ZNF536: variants seen among roughly 807,000 people sequenced by gnomAD.
ZNF536 encodes the protein zinc finger protein 536.
In ZNF536, 13 loss-of-function variants were observed where a neutral mutation model predicts 84.5. That is an observed-to-expected ratio of 0.15 (90% CI 0.10 to 0.24). The LOEUF (loss-of-function observed/expected upper bound fraction) is 0.24. Ranked by LOEUF, ZNF536 falls within the 10% of genes least tolerant of loss-of-function variation. ZNF536 has a pLI of 1.00. For missense variants in ZNF536, 1,536 were observed against 1,747.5 expected, an observed-to-expected ratio of 0.88 and a Z score of 2.16; for synonymous variants, 811 against 742.5, an observed-to-expected ratio of 1.09 and a Z score of -1.50.
At chr19:30,248,320 C>G (rs1599877429) in intron 1 of ZNF536, among the ~76,000 whole-genome samples, 1 of 148,724 alleles carries the variant, frequency 6.7e-6, no homozygotes, top group Non-Finnish European at 1.5e-5. Context: ...CTCCTGGGCT[C>G]CTGGGTCCAA....
chr19:30,341,457 T>C (rs1165201835), intron 2 of ZNF536, among the ~76,000 whole-genome samples: 3 of 152,220 alleles, frequency 2.0e-5, no homozygotes, highest in Non-Finnish European at 4.4e-5. Flanking sequence ...GCCTTAGAAC[T>C]TCCATCTGTG....
intron 2 of ZNF536, among the ~76,000 whole-genome samples, chr19:30,320,427 C>T (rs191598551): frequency 2.0e-5 from 3 of 152,294 alleles, no homozygotes; most frequent in East Asian, 3.9e-4. Flanking sequence ...CAGTCTTTCT[C>T]AGAGAAACCA....
intron 1 of ZNF536, among the ~76,000 whole-genome samples, chr19:30,581,573 G>A (rs1026521296): frequency 6.6e-6 from 1 of 152,190 alleles, no homozygotes; most frequent in African/African-American, 2.4e-5. Context: ...GAGAGAGGCC[G>A]AGATCAGCTG....
In ZNF536 at chr19:30,416,829, G is replaced by A. The variant is rs185251521; in HGVS notation, c.-2-26732G>A. ...AGTGTTGGATAATACTTGGCACTTG[G>A]CTTTGAGGATGATGCTTCCCTCTAC... On this transcript the variant is annotated intron_variant, in intron 1 of 4. Transcript: ENST00000355537. Among the ~76,000 whole-genome samples the A allele has an allele frequency of 3.1e-3, 479 of 152,206 alleles. 3 individuals are homozygous for A. Among genetic ancestry groups the A allele is most frequent in the African/African-American group, 0.011 (461 of 41,542 alleles).
chr19:30,609,763 C>T (rs1397464452), intron 1 of ZNF536, among the ~76,000 whole-genome samples: 1 of 124,498 alleles, frequency 8.0e-6, no homozygotes, highest in Non-Finnish European at 1.7e-5. Flanking sequence ...CCTATCCATC[C>T]ACCCATCTAC....
chr19:30,273,219 G>GTGTT (rs2025951390), intron 1 of ZNF536, among the ~76,000 whole-genome samples: 1 of 152,156 alleles, frequency 6.6e-6, no homozygotes, highest in Non-Finnish European at 1.5e-5. Flanking sequence ...TTGTGTGTGT[G>GTGTT]TGTGTGTGTG....
At chr19:30,313,863 GC>G (rs1328760195) in intron 2 of ZNF536, among the ~76,000 whole-genome samples, 1 of 152,234 alleles carries the variant, frequency 6.6e-6, no homozygotes, top group African/African-American at 2.4e-5. Context: ...GACCCTGGAA[GC>G]CTGGGCTCCG....
At position 30,445,782 on chromosome 19, in the gene ZNF536, C is replaced by G. The variant is rs376698800; in HGVS notation, c.2170+50C>G. ...AAGCAGCTTGTACAGCAGCCCTGCT[C>G]AGGGCTGCCTGGTTCTGCTCCCAGG... On this transcript the variant is annotated intron_variant, in intron 2 of 4. Transcript: ENST00000355537. This position sits in a 1 kb window ranked among gnomAD's most constrained non-coding sequence, Gnocchi z 4.5. 18 of 1,514,988 alleles carry G rather than the reference C, an allele frequency of 1.2e-5. No individual in the cohort carries two copies. The highest frequency in any genetic ancestry group is 5.3e-5 in the South Asian group (4 of 74,932). The allele number at this position is 1,514,988 out of a possible 1,614,324, so 93.8% of individuals were successfully genotyped here. A position where few individuals can be genotyped will look rare whatever the true frequency, so the allele number is the denominator to read the frequency against.
At chr19:30,701,749 G>A (rs773455778) in intron 1 of ZNF536, among the ~76,000 whole-genome samples, 8 of 152,242 alleles carry the variant, frequency 5.3e-5, no homozygotes, top group Non-Finnish European at 1.0e-4. Context: ...TTCCTGATCA[G>A]TAAGCAGTAA....
At chr19:30,559,334 G>A (rs1732567569), downstream of ZNF536, among the ~76,000 whole-genome samples, 1 of 152,226 alleles carries the variant, frequency 6.6e-6, no homozygotes, top group South Asian at 2.1e-4. Context: ...CAGGCCCCAG[G>A]TCTGTGTGGC....
intron 1 of ZNF536, among the ~76,000 whole-genome samples, chr19:30,439,699 G>A (rs1343419317): frequency 6.6e-6 from 1 of 152,102 alleles, no homozygotes; most frequent in Non-Finnish European, 1.5e-5. Context: ...GCTTATTCAA[G>A]GGCTGGGGAC....
chr19:30,615,341 C>T (rs532643520), intron 1 of ZNF536, among the ~76,000 whole-genome samples: 247 of 152,264 alleles, frequency 1.6e-3, no homozygotes, highest in Middle Eastern at 6.8e-3. Flanking sequence ...CTTTCTCCAA[C>T]CCAATGGCTA....
downstream of ZNF536, among the ~76,000 whole-genome samples, chr19:30,559,654 T>C (rs1321841568): frequency 6.6e-6 from 1 of 151,910 alleles, no homozygotes; most frequent in Non-Finnish European, 1.5e-5. Context: ...CCCAGAGGGG[T>C]ATAGATGGCA....
intron 1 of ZNF536, among the ~76,000 whole-genome samples, chr19:30,684,418 T>G (rs1008186220): frequency 2.0e-5 from 3 of 152,198 alleles, no homozygotes; most frequent in African/African-American, 7.2e-5. Context: ...ATTACAGGTT[T>G]GAGCCACCGC....
At chr19:30,500,044 C>T (rs1411068649) in intron 2 of ZNF536, among the ~76,000 whole-genome samples, 1 of 152,212 alleles carries the variant, frequency 6.6e-6, no homozygotes, top group Non-Finnish European at 1.5e-5. Flanking sequence ...ACCTTTATGC[C>T]AGCTCTTTTT....
At position 30,336,524 on chromosome 19, in the gene ZNF536, G is replaced by A. The variant is rs1280289428; in HGVS notation, c.-119-15844G>A. On this transcript the variant is annotated intron_variant, in intron 2 of 5. Coordinates refer to the ZNF536 transcript ENST00000585628. ...GAGGTCCCTTCAGGCTTGGGCTGTT[G>A]AAGGCTTATTAGGAGAGAGTGTGCT... Among the ~76,000 whole-genome samples the A allele has an allele frequency of 2.0e-5, 3 of 152,182 alleles. No individual in the cohort carries two copies. In the South Asian group the frequency reaches 6.2e-4, roughly 32 times the overall value.
chr19:30,493,562 G>A (rs111774569), intron 2 of ZNF536, among the ~76,000 whole-genome samples: 31 of 152,288 alleles, frequency 2.0e-4, no homozygotes, highest in African/African-American at 3.6e-4. Flanking sequence ...ATTTGGAACC[G>A]TTTAGGGCAT....
intron 1 of ZNF536, among the ~76,000 whole-genome samples, chr19:30,413,730 A>T (rs1193868755): frequency 6.6e-6 from 1 of 152,144 alleles, no homozygotes; most frequent in African/African-American, 2.4e-5. Flanking sequence ...TGCTAGGTGC[A>T]TAGAAGTTCA....
At chr19:30,641,963 A>G (rs2049281897) in intron 1 of ZNF536, among the ~76,000 whole-genome samples, 3 of 152,218 alleles carry the variant, frequency 2.0e-5, no homozygotes, top group African/African-American at 7.2e-5. Context: ...AGGAAAGCCT[A>G]TTTAATGAGA....
Sources: allele counts gnomAD v4.1 joint callset (sites outside exome capture counted in the v4.1 genomes callset), GRCh38; gene constraint gnomAD v4.1.1; non-coding constraint Gnocchi (gnomAD v3.1); transcripts MANE v1.5; gene names NCBI Gene and HGNC (gene_info 2026-07-23, HGNC 2026-07-21).